Variants in TTC27 observed in about 807,000 individuals in gnomAD.
The protein encoded by TTC27 is tetratricopeptide repeat protein 27.
TTC27 carries 79 observed loss-of-function variants against 115.9 expected under a neutral mutation model. That is an observed-to-expected ratio of 0.68 (90% CI 0.57 to 0.82). TTC27 has a LOEUF of 0.82. TTC27 is among the 40% of genes least tolerant of loss of function. TTC27 has a pLI of 0.00. For synonymous variants in TTC27, 401 were observed against 356.0 expected (o/e 1.13, Z -1.42); for missense variants, 1,054 against 993.1 (o/e 1.06, Z -0.82).
At chr2:32,670,850 C>T (rs1409703972) in intron 7 of TTC27, among the ~76,000 whole-genome samples, 1 of 151,544 alleles carries the variant, frequency 6.6e-6, no homozygotes, top group East Asian at 1.9e-4. Flanking sequence ...AACTCCTGAC[C>T]TCAAGTGATC....
intron 16 of TTC27, 97 bp from the exon 17 acceptor site, chr2:32,810,927 T>TTCATTG (rs1386756886): frequency 2.9e-6 from 4 of 1,368,012 alleles, no homozygotes; most frequent in African/African-American, 1.5e-5. Flanking sequence ...CATAAGGTTT[T>TTCATTG]TCATTGTCAT....
At chr2:32,788,187 ATATTCCATCT>A (rs1375320415) in intron 16 of TTC27, among the ~76,000 whole-genome samples, 1 of 152,206 alleles carries the variant, frequency 6.6e-6, no homozygotes, top group Non-Finnish European at 1.5e-5. Context: ...TATTTGTAGT[ATATTCCATCT>A]TACAGTTGAA....
intron 14 of TTC27, 45 bp from the exon 15 acceptor site, chr2:32,782,581 A>C (rs1174157701): frequency 6.4e-7 from 1 of 1,572,506 alleles, no homozygotes; most frequent in Non-Finnish European, 8.7e-7. Flanking sequence ...CAATAATTTT[A>C]CCTAAATGAG....
chr2:32,720,763 T>C (rs1436039074), intron 10 of TTC27, among the ~76,000 whole-genome samples: 1 of 152,246 alleles, frequency 6.6e-6, no homozygotes, highest in Non-Finnish European at 1.5e-5. Context: ...ATGTTCACTC[T>C]GTATTTTTTA....
intron 14 of TTC27, among the ~76,000 whole-genome samples, chr2:32,780,820 T>G (rs948899346): frequency 2.2e-4 from 33 of 151,446 alleles, no homozygotes; most frequent in African/African-American, 7.8e-4. Flanking sequence ...CTTGCAACCT[T>G]GCTGAGCTCA....
chr2:32,715,290 T>G (rs1284369200), intron 10 of TTC27, among the ~76,000 whole-genome samples: 1 of 152,166 alleles, frequency 6.6e-6, no homozygotes, highest in Non-Finnish European at 1.5e-5. Flanking sequence ...CTTCTGCATG[T>G]GGTTAGCCAG....
rs76921180 is a variant in TTC27 at position 32,753,022 on chromosome 2, G to C, written c.1453-5270G>C. Among the ~76,000 whole-genome samples the C allele has an allele frequency of 2.9e-4, 44 of 152,340 alleles. 1 individual carries two copies. The East Asian group carries it at 8.1e-3, about 28-fold the overall frequency. On this transcript the variant is annotated intron_variant, in intron 12 of 19. Transcript: ENST00000317907. ...TTTCTGTAGAACAGGAATTTAGGAAGGGTTTGACTGAGCAGTGGTCTGGCA... is the reference window on the plus strand; with the variant it reads ...TTTCTGTAGAACAGGAATTTAGGAACGGTTTGACTGAGCAGTGGTCTGGCA...
At chr2:32,702,536 A>T (rs2151900980) in intron 9 of TTC27, among the ~76,000 whole-genome samples, 1 of 152,324 alleles carries the variant, frequency 6.6e-6, no homozygotes, top group East Asian at 1.9e-4. Flanking sequence ...GATATAGGCC[A>T]GTCTTTGTTA....
chr2:32,777,741 C>A, intron 13 of TTC27, 141 bp from the exon 14 acceptor site: 2 of 743,786 alleles, frequency 2.7e-6, no homozygotes, highest in South Asian at 2.1e-5. Context: ...TACATTTAAA[C>A]TAAATGTAAG....
At chr2:32,723,894 G>A (rs958654516) in intron 10 of TTC27, among the ~76,000 whole-genome samples, 7 of 149,322 alleles carry the variant, frequency 4.7e-5, no homozygotes, top group Admixed American at 6.7e-5. Context: ...CAACCTCCTG[G>A]CCTCAAGTGA....
intron 6 of TTC27, among the ~76,000 whole-genome samples, chr2:32,665,569 C>T (rs989768371): frequency 6.6e-6 from 1 of 152,090 alleles, no homozygotes; most frequent in African/African-American, 2.4e-5. Context: ...TCAGGTTATT[C>T]TTTTTTTCCA....
In TTC27 at chr2:32,764,394, A is replaced by T. The variant is rs1006550330; in HGVS notation, c.1680+5875A>T. 6.0e-5 allele frequency among the ~76,000 whole-genome samples: 9 copies of T among 150,654 alleles called. No homozygotes were observed. In the South Asian group the frequency reaches 1.0e-3, roughly 18 times the overall value. The stretch of plus-strand genomic sequence containing the variant: ...TCAAGTGTGCAATACTATTATGTCT[A>T]AAAAAAAACAAACAAAAATCATAAA... On this transcript the variant is annotated intron_variant, in intron 13 of 19. Transcript: ENST00000317907.
At chr2:32,640,962 A>G (rs1206276325) in intron 4 of TTC27, among the ~76,000 whole-genome samples, 1 of 152,174 alleles carries the variant, frequency 6.6e-6, no homozygotes, top group Non-Finnish European at 1.5e-5. Context: ...AGCCTGGGCA[A>G]GAGAACAAGA....
At position 32,630,470 on chromosome 2, in the gene TTC27, C is replaced by T. The variant is rs558939422; in HGVS notation, c.89-53C>T. 7.7e-5 allele frequency: 108 copies of T among 1,394,686 alleles called. 1 individual carries two copies. Among genetic ancestry groups the T allele is most frequent in the South Asian group, 5.4e-4 (40 of 73,944 alleles). The allele number at this position is 1,394,686 out of a possible 1,614,324, so 86.4% of individuals were successfully genotyped here. A position where few individuals can be genotyped will look rare whatever the true frequency, so the allele number is the denominator to read the frequency against. On this transcript the variant is annotated intron_variant, in intron 1 of 19. Transcript: ENST00000317907. Reference sequence around the variant, plus strand: ...ATTTACCTAATAGTGTTATCCTTTACGGTATGAAAAATAATTTTTTTTGGA... The same window carrying T: ...ATTTACCTAATAGTGTTATCCTTTATGGTATGAAAAATAATTTTTTTTGGA...
chr2:32,682,915 G>T (rs1211918233), intron 9 of TTC27, among the ~76,000 whole-genome samples: 8 of 140,378 alleles, frequency 5.7e-5, no homozygotes, highest in African/African-American at 2.2e-4. Flanking sequence ...GTGCAGTGGC[G>T]CGATCTCGGC....
Position 32,758,281 on chromosome 2 carries a change from G to C in TTC27, c.1453-11G>C, listed in dbSNP as rs140557591. The C allele has an allele frequency of 7.3e-5, 117 of 1,610,886 alleles. No homozygotes were observed. Among genetic ancestry groups the C allele is most frequent in the Non-Finnish European group, 8.0e-5 (94 of 1,178,302 alleles). ...ACTCTTAAGCAATTTCATTATTTCT[G>C]TTGTTTCTAGGCAGAAGAAATCCTT... On this transcript the variant is annotated splice_polypyrimidine_tract_variant and intron_variant, in intron 12 of 19. Transcript: ENST00000317907.
intron 9 of TTC27, among the ~76,000 whole-genome samples, chr2:32,691,305 CTT>C (rs201773475): frequency 1.1e-4 from 16 of 139,978 alleles, no homozygotes; most frequent in Admixed American, 1.4e-4. Flanking sequence ...TGAATATTTA[CTT>C]TTTTTTTTTT....
At chr2:32,743,924 T>C (rs1256778820) in intron 12 of TTC27, among the ~76,000 whole-genome samples, 10 of 152,250 alleles carry the variant, frequency 6.6e-5, no homozygotes, top group African/African-American at 1.9e-4. Context: ...TTCTGTTTAG[T>C]ATCTGAAGGA....
At chr2:32,723,627 G>T (rs968817661) in intron 10 of TTC27, among the ~76,000 whole-genome samples, 2 of 151,444 alleles carry the variant, frequency 1.3e-5, no homozygotes, top group South Asian at 4.2e-4. Context: ...ACTTAGAATA[G>T]GTGCCTTGCA....
Sources: allele counts gnomAD v4.1 joint callset (sites outside exome capture counted in the v4.1 genomes callset), GRCh38; gene constraint gnomAD v4.1.1; transcripts MANE v1.5; gene names NCBI Gene and HGNC (gene_info 2026-07-23, HGNC 2026-07-21).